The following LYRM4 variants were observed in gnomAD, a reference collection of about 807,000 sequenced individuals.
The protein encoded by LYRM4 is LYR motif containing 4.
In LYRM4, 9 loss-of-function variants were observed where a neutral mutation model predicts 11.7. The observed-to-expected ratio is 0.77, with a 90% CI of 0.46 to 1.34. LYRM4 has a LOEUF of 1.34. Among genes scored for constraint, LYRM4 ranks in the 40% most tolerant of loss-of-function variants. The pLI is 0.00. For synonymous variants in LYRM4, 42 were observed against 40.4 expected, an observed-to-expected ratio of 1.04 and a Z score of -0.15; for missense variants, 133 against 112.5, an observed-to-expected ratio of 1.18 and a Z score of -0.82.
the LYRM4 span, among the ~76,000 whole-genome samples, chr6:5,083,514 A>C: frequency 6.6e-6 from 1 of 152,234 alleles, no homozygotes; most frequent in Admixed American, 6.5e-5. Context: ...GCCCAGGCTT[A>C]GTAGTGATGG....
chr6:5,192,974 A>G (rs1414599010), intron 2 of LYRM4, among the ~76,000 whole-genome samples: 1 of 152,198 alleles, frequency 6.6e-6, no homozygotes, highest in Non-Finnish European at 1.5e-5. Flanking sequence ...TAGTGAGCCA[A>G]GATCACGCCA....
intron 2 of LYRM4, among the ~76,000 whole-genome samples, chr6:5,151,503 C>T (rs1005923004): frequency 7.9e-5 from 12 of 152,216 alleles, no homozygotes; most frequent in African/African-American, 2.9e-4. Context: ...GTCACACGTG[C>T]CAATTCCACC....
chr6:5,086,157 G>C, the LYRM4 span: 1 of 1,526,978 alleles, frequency 6.5e-7, no homozygotes, highest in Non-Finnish European at 8.8e-7. Flanking sequence ...AGCGCGTGCA[G>C]TGCTCGACGG....
At chr6:5,230,103 G>A (rs1387177946) in intron 1 of LYRM4, among the ~76,000 whole-genome samples, 1 of 152,174 alleles carries the variant, frequency 6.6e-6, no homozygotes, top group African/African-American at 2.4e-5. Context: ...TCAAGCAGCC[G>A]CGAGGTCTCT....
chr6:5,069,197 C>G, the LYRM4 span, among the ~76,000 whole-genome samples: 1 of 152,124 alleles, frequency 6.6e-6, no homozygotes. Flanking sequence ...GCATCTCAAA[C>G]ATTTTGTTCT....
At chr6:5,139,966 C>G (rs967312330) in intron 2 of LYRM4, among the ~76,000 whole-genome samples, 5 of 150,978 alleles carry the variant, frequency 3.3e-5, no homozygotes, top group African/African-American at 1.2e-4. Context: ...GCCTCCCAAG[C>G]AGCTGGGACA....
At chr6:5,069,956 G>A in the LYRM4 span, among the ~76,000 whole-genome samples, 2 of 152,178 alleles carry the variant, frequency 1.3e-5, no homozygotes, top group African/African-American at 2.4e-5. Flanking sequence ...TTAATCAATG[G>A]AAGCACCATG....
intron 1 of LYRM4, among the ~76,000 whole-genome samples, chr6:5,249,476 T>TA (rs1275800450): frequency 3.3e-5 from 5 of 152,238 alleles, no homozygotes; most frequent in Non-Finnish European, 5.9e-5. Context: ...TTGCTTTTTT[T>TA]ATCACGAAAG....
chr6:5,085,930 A>G, the LYRM4 span: 5 of 1,528,036 alleles, frequency 3.3e-6, no homozygotes, highest in East Asian at 2.5e-5. Flanking sequence ...GAAGCACTTC[A>G]GCGAGGCGGA....
intron 1 of LYRM4, 111 bp from the exon 2 acceptor site, chr6:5,216,849 C>A (rs17139809): frequency 7.8e-7 from 1 of 1,282,182 alleles, no homozygotes. Flanking sequence ...TCTTCCCCTA[C>A]GGATAATCCA....
At chr6:5,111,323 A>G (rs942834685) in intron 2 of LYRM4, among the ~76,000 whole-genome samples, 27 of 152,208 alleles carry the variant, frequency 1.8e-4, no homozygotes, top group African/African-American at 6.5e-4. Context: ...TCTGTATTTA[A>G]TTGATCTCAG....
At chr6:5,098,412 G>C in the LYRM4 span, among the ~76,000 whole-genome samples, 1 of 152,136 alleles carries the variant, frequency 6.6e-6, no homozygotes, top group Non-Finnish European at 1.5e-5. Context: ...GCTTGGCCCA[G>C]AGATCCCCGC....
intron 1 of LYRM4, among the ~76,000 whole-genome samples, chr6:5,259,272 G>A (rs1238137013): frequency 6.6e-6 from 1 of 152,176 alleles, no homozygotes. Flanking sequence ...TATTTAACTT[G>A]CATATTTCAT....
chr6:5,164,834 G>A (rs1314646970), intron 2 of LYRM4, among the ~76,000 whole-genome samples: 1 of 152,014 alleles, frequency 6.6e-6, no homozygotes, highest in African/African-American at 2.4e-5. Flanking sequence ...TGGGTGTGGT[G>A]GTACACACCT....
the LYRM4 span, among the ~76,000 whole-genome samples, chr6:5,081,818 G>T: frequency 3.1e-3 from 473 of 152,268 alleles, 1 homozygote; most frequent in African/African-American, 0.011. Flanking sequence ...GGGCTCTCTA[G>T]ACAGCCTCAA....
intron 2 of LYRM4, among the ~76,000 whole-genome samples, chr6:5,139,208 G>C (rs1343559141): frequency 1.3e-5 from 2 of 152,208 alleles, no homozygotes; most frequent in African/African-American, 4.8e-5. Flanking sequence ...GGGCAAAGCA[G>C]GCCTGCCAGC....
intron 2 of LYRM4, among the ~76,000 whole-genome samples, chr6:5,214,788 T>TGAAAGGGAAGTGAGTA (rs1329710762): frequency 6.6e-6 from 1 of 152,216 alleles, no homozygotes; most frequent in Non-Finnish European, 1.5e-5. Context: ...AGTCTTGACA[T>TGAAAGGGAAGTGAGTA]GAAAGGGAAG....
chr6:5,039,525 T>C, the LYRM4 span, among the ~76,000 whole-genome samples: 15 of 152,196 alleles, frequency 9.9e-5, no homozygotes, highest in African/African-American at 3.6e-4. Flanking sequence ...GTAACAACCT[T>C]ATGCCACCAA....
the LYRM4 span, chr6:5,066,487 C>G: frequency 2.6e-6 from 2 of 767,724 alleles, no homozygotes; most frequent in African/African-American, 3.4e-5. Flanking sequence ...GAAGCCATAG[C>G]GGGTGGTTTT....
Sources: gnomAD v4.1 joint callset for allele counts (sites outside exome capture counted in the v4.1 genomes callset) on GRCh38, gnomAD v4.1.1 for gene constraint, MANE v1.5 for transcripts, NCBI Gene and HGNC (gene_info 2026-07-23, HGNC 2026-07-21) for gene names.